Variants in AATF observed in about 807,000 individuals in gnomAD.
AATF encodes the protein apoptosis antagonizing transcription factor.
AATF carries 48 observed loss-of-function variants against 63.7 expected under a neutral mutation model. That is an observed-to-expected ratio of 0.75 (90% CI 0.60 to 0.96). The LOEUF (loss-of-function observed/expected upper bound fraction) is 0.96. Among genes scored for constraint, AATF ranks in the 40% least tolerant of loss-of-function variants. The probability of loss-of-function intolerance (pLI) is 0.00; values close to 1 mark genes in which losing one functional copy is unlikely to be tolerated. For missense variants in AATF, 639 were observed against 685.7 expected (o/e 0.93, Z 0.76); for synonymous variants, 258 against 247.7 (o/e 1.04, Z -0.39).
At chr17:36,956,971 T>TC (rs919304505) in intron 4 of AATF, among the ~76,000 whole-genome samples, 16 of 148,194 alleles carry the variant, frequency 1.1e-4, no homozygotes, top group South Asian at 2.1e-4. Context: ...AGCGAAACTG[T>TC]CCCCCCCGAA....
At chr17:37,047,243 A>T (rs2071701406) in intron 11 of AATF, among the ~76,000 whole-genome samples, 2 of 152,222 alleles carry the variant, frequency 1.3e-5, no homozygotes, top group Non-Finnish European at 2.9e-5. Context: ...AATGCGTGGA[A>T]GGAGCGGCGC....
intron 8 of AATF, among the ~76,000 whole-genome samples, chr17:37,004,842 A>G (rs2071330174): frequency 6.6e-6 from 1 of 152,218 alleles, no homozygotes; most frequent in East Asian, 1.9e-4. Context: ...TATGAAAGTG[A>G]GGCCAGTTTG....
At chr17:37,046,247 G>T (rs915475981) in intron 11 of AATF, among the ~76,000 whole-genome samples, 1 of 152,060 alleles carries the variant, frequency 6.6e-6, no homozygotes, top group African/African-American at 2.4e-5. Context: ...TAGGGGGAGG[G>T]CAGGGGAGCG....
intron 10 of AATF, among the ~76,000 whole-genome samples, chr17:37,026,014 A>G (rs2071508239): frequency 6.6e-6 from 1 of 152,180 alleles, no homozygotes; most frequent in South Asian, 2.1e-4. Flanking sequence ...GTAAAAAGAC[A>G]TATCTATACC....
intron 8 of AATF, among the ~76,000 whole-genome samples, chr17:36,998,017 A>G (rs1344019324): frequency 6.6e-6 from 1 of 152,188 alleles, no homozygotes; most frequent in East Asian, 1.9e-4. Flanking sequence ...TGTGGGAGCT[A>G]AGCTATGAGG....
At chr17:36,953,489 C>G (rs1346260390) in intron 3 of AATF, among the ~76,000 whole-genome samples, 193 bp downstream of exon 3, 1 of 152,238 alleles carries the variant, frequency 6.6e-6, no homozygotes, top group South Asian at 2.1e-4. Context: ...ATCTGCTTAG[C>G]TGGTTCTGCT....
chr17:37,029,816 C>T (rs183320444), intron 10 of AATF, among the ~76,000 whole-genome samples: 8 of 152,182 alleles, frequency 5.3e-5, no homozygotes, highest in African/African-American at 1.9e-4. Context: ...TCTGCCCCCC[C>T]TCAGCCTCCC....
rs117202428 is a variant in AATF, at chr17:37,045,244, C to T, written c.1620-11357C>T. ...CACTGTCTCCCTGGGGAGCAGAACA[C>T]TTTATAAACATTAATTCTTTGACCC... On this transcript the variant is annotated intron_variant, in intron 11 of 11. Coordinates refer to ENST00000619387, the MANE Select transcript of AATF (RefSeq NM_012138.4). Among the ~76,000 whole-genome samples the T allele has an allele frequency of 6.8e-4, 104 of 152,344 alleles. 1 individual carries two copies. In the East Asian group the frequency reaches 0.019, roughly 28 times the overall value.
At chr17:36,983,699 G>A (rs1188960104) in intron 4 of AATF, among the ~76,000 whole-genome samples, 2 of 152,092 alleles carry the variant, frequency 1.3e-5, no homozygotes, top group Admixed American at 1.3e-4. Context: ...TCTTGGTTTG[G>A]AACAAAGGCA....
Position 36,949,111 on chromosome 17 carries a change from C to G in AATF, c.-15C>G, listed in dbSNP as rs371045225. The G allele has an allele frequency of 2.6e-5, 40 of 1,566,110 alleles. No individual in the cohort carries two copies. In the Admixed American group the frequency reaches 4.4e-4, roughly 17 times the overall value. The stretch of plus-strand genomic sequence containing the variant: ...TTTACGTGCGCGAAGCGGAGTGGAC[C>G]GGGAGCTGGTGACGATGGCGGGGCC... On this transcript the variant is annotated 5_prime_UTR_variant, in exon 1 of 12. Transcript: ENST00000619387.
intron 2 of AATF, among the ~76,000 whole-genome samples, chr17:36,951,550 A>G (rs1249735772): frequency 6.6e-6 from 1 of 152,206 alleles, no homozygotes; most frequent in Non-Finnish European, 1.5e-5. Context: ...GCAGGAAGTT[A>G]TTACTACTTA....
chr17:37,046,511 G>A (rs1244932271), intron 11 of AATF, among the ~76,000 whole-genome samples: 6 of 152,128 alleles, frequency 3.9e-5, no homozygotes, highest in African/African-American at 1.2e-4. Context: ...CCCCTGACTC[G>A]CATTGCAGAG....
intron 8 of AATF, among the ~76,000 whole-genome samples, chr17:37,001,374 A>G (rs568279072): frequency 5.0e-4 from 68 of 136,080 alleles, no homozygotes; most frequent in South Asian, 3.9e-3. Flanking sequence ...GAGAGAGGGG[A>G]GAGAGAGAAA....
At chr17:37,040,755 C>A (rs941064946) in intron 11 of AATF, among the ~76,000 whole-genome samples, 5 of 150,332 alleles carry the variant, frequency 3.3e-5, no homozygotes, top group East Asian at 3.8e-4. Context: ...CTTCCCCCCC[C>A]ACGCTTTCTT....
At chr17:37,000,880 A>T (rs2071288962) in intron 8 of AATF, among the ~76,000 whole-genome samples, 1 of 152,182 alleles carries the variant, frequency 6.6e-6, no homozygotes, top group Non-Finnish European at 1.5e-5. Flanking sequence ...TGAGCCCAGG[A>T]GTTTGAAGCT....
chr17:36,968,800 A>G (rs1156391659), intron 4 of AATF, among the ~76,000 whole-genome samples: 1 of 149,868 alleles, frequency 6.7e-6, no homozygotes, highest in Admixed American at 6.6e-5. Flanking sequence ...TTTTATTTTT[A>G]GTAGAGATGA....
At chr17:37,037,179 G>C (rs2071600493) in intron 11 of AATF, among the ~76,000 whole-genome samples, 1 of 151,752 alleles carries the variant, frequency 6.6e-6, no homozygotes, top group South Asian at 2.1e-4. Context: ...CCACCCCCTG[G>C]CTAATTTTTG....
intron 11 of AATF, among the ~76,000 whole-genome samples, chr17:37,047,104 A>G (rs932220161): frequency 4.6e-5 from 7 of 152,062 alleles, no homozygotes; most frequent in Non-Finnish European, 8.8e-5. Context: ...ATAAAGAGAA[A>G]CCCTGCTAAA....
At chr17:37,009,785 C>T (rs1357474009) in intron 8 of AATF, among the ~76,000 whole-genome samples, 1 of 139,810 alleles carries the variant, frequency 7.2e-6, no homozygotes, top group Non-Finnish European at 1.5e-5. Flanking sequence ...CCACTGCAGT[C>T]CGCAGTCTGG....
Sources: gnomAD v4.1 joint callset for allele counts (sites outside exome capture counted in the v4.1 genomes callset) on GRCh38, gnomAD v4.1.1 for gene constraint, MANE v1.5 for transcripts, NCBI Gene and HGNC (gene_info 2026-07-23, HGNC 2026-07-21) for gene names.